PIP5K1C: variants seen among roughly 807,000 people sequenced by gnomAD.
PIP5K1C encodes phosphatidylinositol 4-phosphate 5-kinase type-1 gamma.
In PIP5K1C, 45 loss-of-function variants were observed where a neutral mutation model predicts 80.1. The ratio of observed to expected loss-of-function variants is 0.56; its 90% CI spans 0.44 to 0.72. The LOEUF is 0.72. Among genes scored for constraint, PIP5K1C ranks in the 30% least tolerant of loss-of-function variants. PIP5K1C has a pLI of 0.00. For missense variants in PIP5K1C, 753 were observed against 954.6 expected, an observed-to-expected ratio of 0.79 and a Z score of 2.78; for synonymous variants, 498 against 420.1, an observed-to-expected ratio of 1.19 and a Z score of -2.27.
chr19:3,677,716 GT>G (rs1364551785), intron 1 of PIP5K1C, among the ~76,000 whole-genome samples: 1 of 117,142 alleles, frequency 8.5e-6, no homozygotes, highest in Admixed American at 7.9e-5. Context: ...TGGAGGGATG[GT>G]GGGATGGAGG....
chr19:3,673,191 C>T (rs543563683), intron 1 of PIP5K1C, among the ~76,000 whole-genome samples: 128 of 152,280 alleles, frequency 8.4e-4, no homozygotes, highest in Non-Finnish European at 4.0e-4. Context: ...AGCACGCCAG[C>T]GCCACCCTGT....
intron 1 of PIP5K1C, among the ~76,000 whole-genome samples, chr19:3,681,815 G>A (rs2035597715): frequency 1.3e-5 from 2 of 151,934 alleles, no homozygotes; most frequent in South Asian, 2.1e-4. Flanking sequence ...CCTGGGGGAG[G>A]AGCAAACTTA....
At position 3,664,831 on chromosome 19, in the gene PIP5K1C, G is replaced by A. The variant is rs2034956469; in HGVS notation, c.210C>T (p.Thr70=). ...HRGVDASGET[T]YKKTTSSTLK... ...AGGGGAGCCGAGGAACCTTCTTGTA[G>A]GTGGTTTCGCCGGATGCGTCCACAC... Residue 70 remains threonine (T), a synonymous_variant, in exon 3 of 18, where the codon ACC becomes ACT. Transcript: ENST00000335312. The A allele has an allele frequency of 1.2e-6, 2 of 1,612,944 alleles. No individual in the cohort carries two copies. The highest frequency in any genetic ancestry group is 1.7e-6 in the Non-Finnish European group (2 of 1,179,688).
At chr19:3,666,985 GCT>G (rs1253284836) in intron 2 of PIP5K1C, among the ~76,000 whole-genome samples, 3 of 149,864 alleles carry the variant, frequency 2.0e-5, no homozygotes, top group African/African-American at 7.4e-5. Context: ...GGCGAGAGCT[GCT>G]CTCTCCCCAC....
intron 13 of PIP5K1C, 46 bp from the exon 14 acceptor site, chr19:3,642,985 C>T (rs2034035547): frequency 9.3e-6 from 15 of 1,608,522 alleles, no homozygotes; most frequent in East Asian, 2.2e-5. Context: ...GAGAGTGGCC[C>T]GCCTGCTCAG....
chr19:3,637,106 C>A lies in PIP5K1C; in HGVS notation c.1920+1778G>T, dbSNP rs1272313770. 6.9e-6 allele frequency: 9 copies of A among 1,310,668 alleles called. No individual in the cohort carries two copies. Among genetic ancestry groups the A allele is most frequent in the Non-Finnish European group, 7.8e-6 (8 of 1,027,316 alleles). 81.2% of individuals were successfully genotyped at this position (1,310,668 alleles called of 1,614,324 possible). A position where few individuals can be genotyped will look rare whatever the true frequency, so the allele number is the denominator to read the frequency against. ...GGTTCAGAGCCCGGCCCTGCAGCCA[C>A]TCTGCTGACCTGTGCAACCTCCCCT... On this transcript the variant is annotated intron_variant, in intron 16 of 17. Coordinates refer to ENST00000335312, the MANE Select transcript of PIP5K1C (RefSeq NM_012398.3). This position sits in a 1 kb window ranked among gnomAD's most constrained non-coding sequence, Gnocchi z 7.0.
In PIP5K1C at chr19:3,692,795, C is replaced by G. The variant is rs1236087766; in HGVS notation, c.94+7502G>C. Among the ~76,000 whole-genome samples, 1 of 152,076 alleles carries G rather than the reference C, an allele frequency of 6.6e-6. No homozygotes were observed. The highest frequency in any genetic ancestry group is 1.9e-4 in the East Asian group (1 of 5,176). On this transcript the variant is annotated intron_variant, in intron 1 of 17. Coordinates refer to ENST00000335312, the MANE Select transcript of PIP5K1C (RefSeq NM_012398.3). This position sits in a 1 kb window ranked among gnomAD's most constrained non-coding sequence, Gnocchi z 5.2. ...AAGCCCAAGTCCTCCCTGCAGCCCA[C>G]AAGGCCCTGCACACCCTGCCCCGTC...
chr19:3,669,458 G>A (rs532151940), intron 1 of PIP5K1C, among the ~76,000 whole-genome samples: 30 of 152,228 alleles, frequency 2.0e-4, no homozygotes, highest in East Asian at 3.9e-4. Context: ...GACGGGGGCC[G>A]TCAGGGGTGG....
At chr19:3,677,936 G>C (rs796275650) in intron 1 of PIP5K1C, among the ~76,000 whole-genome samples, 7 of 138,090 alleles carry the variant, frequency 5.1e-5, no homozygotes, top group African/African-American at 1.9e-4. Flanking sequence ...ATGGAGAATG[G>C]AGGGATGGAG....
Position 3,644,129 on chromosome 19 carries a change from C to T in PIP5K1C, c.1468G>A (p.Asp490Asn), listed in dbSNP as rs1020800127. Residue 490 changes from aspartate (D) to asparagine (N), a missense_variant, in exon 12 of 18, where the codon GAC becomes AAC. Around this residue, in one of 6 missense-constraint regions of PIP5K1C, gnomAD observed 315 missense variants for 294.5 expected, o/e 1.07. Coordinates refer to ENST00000335312, the MANE Select transcript of PIP5K1C (RefSeq NM_012398.3). ...GGGTAGCTGCGGGCCCCCCGCAGGT[C>T]GTACTGGGCCTCCTCCCGCTCGCTA... ...IPSEREEAQYDLRGARSYPTL... is the reference protein window; with the variant it reads ...IPSEREEAQYNLRGARSYPTL... 4 of 1,611,824 alleles carry T rather than the reference C, an allele frequency of 2.5e-6. No homozygotes were observed. The highest frequency in any genetic ancestry group is 1.1e-5 in the South Asian group (1 of 91,064).
At chr19:3,655,074 C>T (rs2034574069) in intron 6 of PIP5K1C, among the ~76,000 whole-genome samples, 1 of 137,264 alleles carries the variant, frequency 7.3e-6, no homozygotes. Context: ...CGCCAATGCA[C>T]TCCAGCCTGG....
At position 3,637,927 on chromosome 19, in the gene PIP5K1C, G is replaced by T; in HGVS notation, c.1920+957C>A. The T allele has an allele frequency of 3.3e-6, 5 of 1,535,272 alleles. No homozygotes were observed. Among genetic ancestry groups the T allele is most frequent in the Non-Finnish European group, 4.4e-6 (5 of 1,146,702 alleles). On this transcript the variant is annotated intron_variant, in intron 16 of 17. Transcript: ENST00000335312. The surrounding 1 kb of genome is among the most constrained non-coding windows in gnomAD (Gnocchi z 7.0). Reference sequence around the variant, plus strand: ...CCCAGGAAAAGGGGTGACGACGTGCGGTGGGTAGGGGCACAGGCACGCGGC... The same window carrying T: ...CCCAGGAAAAGGGGTGACGACGTGCTGTGGGTAGGGGCACAGGCACGCGGC...
chr19:3,697,661 G>A (rs963205611), intron 1 of PIP5K1C, among the ~76,000 whole-genome samples: 1 of 152,214 alleles, frequency 6.6e-6, no homozygotes, highest in Non-Finnish European at 1.5e-5. Context: ...GGATGCAGCT[G>A]ACCTTTCCAG....
At chr19:3,680,495 C>T (rs2035557350) in intron 1 of PIP5K1C, among the ~76,000 whole-genome samples, 1 of 152,050 alleles carries the variant, frequency 6.6e-6, no homozygotes, top group Non-Finnish European at 1.5e-5. Flanking sequence ...ATAGAGATGG[C>T]GTTTCACCAT....
chr19:3,650,809 T>C (rs1181720012), intron 8 of PIP5K1C, among the ~76,000 whole-genome samples: 1 of 151,984 alleles, frequency 6.6e-6, no homozygotes, highest in African/African-American at 2.4e-5. Flanking sequence ...CAGGCTGGAG[T>C]GCAATAGCTC....
Position 3,688,400 on chromosome 19 carries a change from C to T in PIP5K1C, c.94+11897G>A, listed in dbSNP as rs2145600333. 6.6e-6 allele frequency among the ~76,000 whole-genome samples: 1 copy of T among 152,202 alleles called. No individual in the cohort carries two copies. Among genetic ancestry groups the T allele is most frequent in the African/African-American group, 2.4e-5 (1 of 41,540 alleles). On this transcript the variant is annotated intron_variant, in intron 1 of 17. Transcript: ENST00000335312. This position sits in a 1 kb window ranked among gnomAD's most constrained non-coding sequence, Gnocchi z 5.3. The stretch of plus-strand genomic sequence containing the variant: ...TGCGAGGGGGGGACGGCCTCTGGCC[C>T]CCTGCTGTGGGCGGGGAGGGATCTA...
At position 3,642,836 on chromosome 19, in the gene PIP5K1C, C is replaced by T. The variant is rs137978233; in HGVS notation, c.1682+71G>A. On this transcript the variant is annotated intron_variant, in intron 14 of 17. Coordinates refer to ENST00000335312, the MANE Select transcript of PIP5K1C (RefSeq NM_012398.3). The stretch of plus-strand genomic sequence containing the variant: ...GGCAGAGAGCAGAGGGGCTGGGGGG[C>T]GGGAAACGGAGCTGGGAGCTGTGCA... The T allele has an allele frequency of 7.8e-4, 981 of 1,260,900 alleles. 2 individuals are homozygous for T. The African/African-American group carries it at 9.5e-3, about 12-fold the overall frequency. 78.1% of individuals were successfully genotyped at this position (1,260,900 alleles called of 1,614,324 possible). A position where few individuals can be genotyped will look rare whatever the true frequency, so the allele number is the denominator to read the frequency against.
At position 3,651,750 on chromosome 19, in the gene PIP5K1C, CTT is replaced by C. The variant is rs377719832; in HGVS notation, c.1127+74_1127+75del. The C allele has an allele frequency of 1.8e-4, 253 of 1,437,894 alleles. 3 individuals carry two copies. The African/African-American group carries it at 2.8e-3, about 16-fold the overall frequency. 89.1% of individuals were successfully genotyped at this position (1,437,894 alleles called of 1,614,324 possible). On this transcript the variant is annotated intron_variant, in intron 8 of 17. Transcript: ENST00000335312. ...CCAGCCCTCCCTGCCTGTTTTCACA[CTT>C]GGGACGGGGATGGGGAACTGGAGCC...
chr19:3,648,964 G>A lies in PIP5K1C; in HGVS notation c.1128-256C>T, dbSNP rs1163160744. On this transcript the variant is annotated intron_variant, in intron 8 of 17. Transcript: ENST00000335312. This position sits in a 1 kb window ranked among gnomAD's most constrained non-coding sequence, Gnocchi z 4.3. The stretch of plus-strand genomic sequence containing the variant: ...GGGCACATACCCCCTACACACACGT[G>A]TGCCTGGACACACACATGCACACAC... Among the ~76,000 whole-genome samples, 1 of 152,146 alleles carries A rather than the reference G, an allele frequency of 6.6e-6. No homozygotes were observed. The highest frequency in any genetic ancestry group is 1.5e-5 in the Non-Finnish European group (1 of 68,002).
Sources: allele counts gnomAD v4.1 joint callset (sites outside exome capture counted in the v4.1 genomes callset), GRCh38; gene constraint gnomAD v4.1.1; regional missense constraint gnomAD v4.1.1; non-coding constraint Gnocchi (gnomAD v3.1); transcripts MANE v1.5; gene names NCBI Gene and HGNC (gene_info 2026-07-23, HGNC 2026-07-21).